Variants in ATP2C1 observed in about 807,000 individuals in gnomAD.
ATP2C1 encodes the protein ATPase secretory pathway Ca2+ transporting 1, also known as calcium-transporting ATPase type 2C member 1.
A neutral mutation model predicts 120.5 loss-of-function variants in ATP2C1; 31 were observed. The ratio of observed to expected loss-of-function variants is 0.26; its 90% CI spans 0.19 to 0.35. The LOEUF is 0.35. ATP2C1 is among the 10% of genes least tolerant of loss of function. The pLI is 1.00. For missense variants in ATP2C1, 731 were observed against 1,107.5 expected (o/e 0.66, Z 4.83); for synonymous variants, 351 against 358.7 (o/e 0.98, Z 0.24).
chr3:130,875,135 C>G (rs76409595), intron 1 of ATP2C1, among the ~76,000 whole-genome samples: 4 of 152,268 alleles, frequency 2.6e-5, no homozygotes, highest in Non-Finnish European at 4.4e-5. Flanking sequence ...TGGGAACATT[C>G]CAAATCCTCT....
exon 27 of ATP2C1, chr3:131,016,555 G>A (rs903740225): frequency 6.9e-5 from 41 of 594,040 alleles, no homozygotes; most frequent in South Asian, 8.6e-5. Flanking sequence ...TCAACCCATC[G>A]GAATTTACTT....
chr3:130,890,723 G>T (rs1313511712), upstream of ATP2C1, among the ~76,000 whole-genome samples: 6 of 152,126 alleles, frequency 3.9e-5, no homozygotes, highest in Non-Finnish European at 7.4e-5. Flanking sequence ...CATGGAACTA[G>T]GCAGATTTAT....
At position 131,002,719 on chromosome 3, in the gene ATP2C1, C is replaced by G. The variant is rs1182081036; in HGVS notation, c.*1369C>G. 1.0e-6 allele frequency: 1 copy of G among 985,266 alleles called. No individual in the cohort carries two copies. The highest frequency in any genetic ancestry group is 1.2e-6 in the Non-Finnish European group (1 of 829,898). The allele number at this position is 985,266 out of a possible 1,614,324, so 61.0% of individuals were successfully genotyped here. On this transcript the variant is annotated 3_prime_UTR_variant, in exon 28 of 28. Coordinates refer to ENST00000510168, the MANE Select transcript of ATP2C1 (RefSeq NM_001378687.1). Reference sequence around the variant, plus strand: ...GCCAATAAGTTTTATCTTTTATAATCTGTCAGGATGAACCACTCCTTAGCT... The same window carrying G: ...GCCAATAAGTTTTATCTTTTATAATGTGTCAGGATGAACCACTCCTTAGCT...
In ATP2C1 at chr3:131,002,441, A is replaced by G. The variant is rs1312455060; in HGVS notation, c.*1091A>G. The G allele has an allele frequency of 1.3e-5, 13 of 985,202 alleles. No individual in the cohort carries two copies. Among genetic ancestry groups the G allele is most frequent in the Non-Finnish European group, 1.6e-5 (13 of 829,920 alleles). 61.0% of individuals were successfully genotyped at this position (985,202 alleles called of 1,614,324 possible). Reference sequence around the variant, plus strand: ...TGCATCTGAAGCTTCTTTGGCCTAGATTTTAGCACAAACCTGAGTATATCT... The same window carrying G: ...TGCATCTGAAGCTTCTTTGGCCTAGGTTTTAGCACAAACCTGAGTATATCT... On this transcript the variant is annotated 3_prime_UTR_variant, in exon 28 of 28. Transcript: ENST00000510168.
chr3:130,967,245 A>G lies in ATP2C1; in HGVS notation c.1218+5A>G. On this transcript the variant is annotated splice_donor_5th_base_variant and intron_variant, in intron 15 of 27. Coordinates refer to ENST00000510168, the MANE Select transcript of ATP2C1 (RefSeq NM_001378687.1). Reference sequence around the variant, plus strand: ...GCTGTTAGCAGAATTGTTGAGGTAAATATTTTTTTTTCCAAGATGGTGACT... The same window carrying G: ...GCTGTTAGCAGAATTGTTGAGGTAAGTATTTTTTTTTCCAAGATGGTGACT... 2 of 1,613,164 alleles carry G rather than the reference A, an allele frequency of 1.2e-6. No individual in the cohort carries two copies. Among genetic ancestry groups the G allele is most frequent in the Non-Finnish European group, 1.7e-6 (2 of 1,179,266 alleles).
chr3:130,962,849 A>G (rs182164866), intron 12 of ATP2C1: 1 of 151,972 alleles, frequency 6.6e-6, no homozygotes, highest in East Asian at 1.9e-4. Context: ...TTCAGTGTGT[A>G]TTGTTTAGCC....
rs2062928130 is a variant in ATP2C1 at position 131,002,302 on chromosome 3, A to G, written c.*952A>G. 3.1e-6 allele frequency: 3 copies of G among 982,506 alleles called. No individual in the cohort carries two copies. Among genetic ancestry groups the G allele is most frequent in the South Asian group, 9.4e-5 (2 of 21,232 alleles). The allele number at this position is 982,506 out of a possible 1,614,324, so 60.9% of individuals were successfully genotyped here. A position where few individuals can be genotyped will look rare whatever the true frequency, so the allele number is the denominator to read the frequency against. On this transcript the variant is annotated 3_prime_UTR_variant, in exon 28 of 28. Transcript: ENST00000510168. ...TTTACTGTTATGTATGTTTTTAATC[A>G]TATTTCTTAGGAAGTATAGGCTACT... is the stretch of plus-strand genomic sequence containing the variant.
intron 2 of ATP2C1, among the ~76,000 whole-genome samples, chr3:130,906,171 A>G (rs575259063): frequency 5.9e-4 from 89 of 152,120 alleles, no homozygotes; most frequent in African/African-American, 2.0e-3. Context: ...TTGTATATTG[A>G]TATAATTCTA....
chr3:130,859,851 A>G (rs768295245), intron 1 of ATP2C1, among the ~76,000 whole-genome samples: 1 of 152,204 alleles, frequency 6.6e-6, no homozygotes, highest in Non-Finnish European at 1.5e-5. Flanking sequence ...TAAGCACATT[A>G]TTAGAATAAG....
intron 12 of ATP2C1, 179 bp downstream of exon 12, chr3:130,959,520 G>T: frequency 2.2e-6 from 1 of 449,072 alleles, no homozygotes; most frequent in South Asian, 3.1e-5. Context: ...GAAAATGTAT[G>T]TATATGGTAA....
At chr3:130,973,023 G>A (rs1045538359) in intron 17 of ATP2C1, among the ~76,000 whole-genome samples, 5 of 152,006 alleles carry the variant, frequency 3.3e-5, no homozygotes, top group Non-Finnish European at 2.9e-5. Flanking sequence ...GTCAAGAAAT[G>A]TATCAAAGTA....
chr3:130,899,107 A>C (rs369210964), intron 2 of ATP2C1, among the ~76,000 whole-genome samples: 10 of 152,292 alleles, frequency 6.6e-5, no homozygotes, highest in African/African-American at 2.4e-4. Flanking sequence ...CATGAAAGAA[A>C]GGATCTCTCA....
Position 130,934,653 on chromosome 3 carries a change from C to G in ATP2C1, c.266C>G (p.Ala89Gly). The G allele has an allele frequency of 6.2e-7, 1 of 1,613,228 alleles. No homozygotes were observed. Among genetic ancestry groups the G allele is most frequent in the Non-Finnish European group, 8.5e-7 (1 of 1,179,498 alleles). ...FKNPLIMLLLASAVISVLMHQ... is the reference protein window; with the variant it reads ...FKNPLIMLLLGSAVISVLMHQ... ...AATCCCCTTATTATGCTGCTTCTGG[C>G]TTCTGCAGTCATCAGTGTTTTAATG... Residue 89 changes from alanine to glycine, a missense_variant, in exon 5 of 28, where the codon GCT (alanine) becomes GGT (glycine). By Grantham distance (60) the Ala-to-Gly change is moderately conservative. Transcript: ENST00000510168.
At chr3:130,962,728 A>G (rs909300063) in intron 12 of ATP2C1, among the ~76,000 whole-genome samples, 12 of 149,350 alleles carry the variant, frequency 8.0e-5, no homozygotes, top group Middle Eastern at 3.5e-3. Context: ...AAAAAAAAAA[A>G]AAAAGAAAAG....
chr3:130,963,382 T>G (rs560808709), intron 12 of ATP2C1: 6 of 156,430 alleles, frequency 3.8e-5, no homozygotes, highest in African/African-American at 1.2e-4. Flanking sequence ...ATTCTAGATA[T>G]TTCATATAAA....
chr3:130,922,655 A>G (rs1444779139), intron 2 of ATP2C1, among the ~76,000 whole-genome samples: 1 of 152,122 alleles, frequency 6.6e-6, no homozygotes, highest in African/African-American at 2.4e-5. Context: ...AAGTTGTGTC[A>G]CTGTTACCCC....
At chr3:130,901,112 A>C (rs914787483) in intron 2 of ATP2C1, among the ~76,000 whole-genome samples, 2 of 152,146 alleles carry the variant, frequency 1.3e-5, no homozygotes, top group Admixed American at 1.3e-4. Context: ...AAATGCCAGA[A>C]ATAGCATGCA....
chr3:131,003,075 T>C lies in ATP2C1; in HGVS notation c.*1725T>C, dbSNP rs1337414904. 1.0e-6 allele frequency: 1 copy of C among 985,442 alleles called. No individual in the cohort carries two copies. The highest frequency in any genetic ancestry group is 1.7e-5 in the African/African-American group (1 of 57,242). The allele number at this position is 985,442 out of a possible 1,614,324, so 61.0% of individuals were successfully genotyped here. A position where few individuals can be genotyped will look rare whatever the true frequency, so the allele number is the denominator to read the frequency against. On this transcript the variant is annotated 3_prime_UTR_variant, in exon 28 of 28. Transcript: ENST00000510168. The stretch of plus-strand genomic sequence containing the variant: ...TGCTTTGCATTTTAGGTTCAGATTA[T>C]GACTTGATTGAAATAAATGTGCCTA...
At chr3:130,960,206 T>C (rs1362295635) in intron 12 of ATP2C1, among the ~76,000 whole-genome samples, 1 of 152,190 alleles carries the variant, frequency 6.6e-6, no homozygotes, top group African/African-American at 2.4e-5. Context: ...TTTTGGGTTC[T>C]TCTAAACATT....
Sources: gnomAD v4.1 joint callset for allele counts (sites outside exome capture counted in the v4.1 genomes callset) on GRCh38, gnomAD v4.1.1 for gene constraint, MANE v1.5 for transcripts, NCBI Gene and HGNC (gene_info 2026-07-23, HGNC 2026-07-21) for gene names.